EXOC4: variants seen among roughly 807,000 people sequenced by gnomAD.
EXOC4 encodes the protein exocyst complex component 4, also known as SEC8-like 1.
In EXOC4, 71 loss-of-function variants were observed where a neutral mutation model predicts 107.2. The observed-to-expected ratio is 0.66, with a 90% CI of 0.55 to 0.81. The LOEUF (loss-of-function observed/expected upper bound fraction) is 0.81. Ranked by LOEUF, EXOC4 falls within the 30% of genes least tolerant of loss-of-function variation. The probability of loss-of-function intolerance (pLI) is 0.00; values close to 1 mark genes in which losing one functional copy is unlikely to be tolerated. For synonymous variants in EXOC4, 456 were observed against 441.2 expected (o/e 1.03, Z -0.42); for missense variants, 1,108 against 1,189.6 (o/e 0.93, Z 1.01).
chr7:133,596,958 C>G (rs979920174), intron 9 of EXOC4, among the ~76,000 whole-genome samples: 16 of 152,128 alleles, frequency 1.1e-4, no homozygotes, highest in Non-Finnish European at 2.2e-4. Context: ...AATCAGGGTT[C>G]TTTTTAGAGG....
At chr7:133,795,285 G>A (rs1362075286) in intron 10 of EXOC4, among the ~76,000 whole-genome samples, 1 of 152,122 alleles carries the variant, frequency 6.6e-6, no homozygotes, top group African/African-American at 2.4e-5. Flanking sequence ...GCACACTAAT[G>A]TCTCCTTGCT....
intron 11 of EXOC4, among the ~76,000 whole-genome samples, chr7:133,822,460 G>T (rs1488140312): frequency 6.6e-6 from 1 of 152,148 alleles, no homozygotes; most frequent in African/African-American, 2.4e-5. Context: ...AACTATCTAT[G>T]TGAACAAATG....
chr7:133,955,709 A>G (rs1259920023), intron 14 of EXOC4, among the ~76,000 whole-genome samples: 1 of 151,920 alleles, frequency 6.6e-6, no homozygotes, highest in Non-Finnish European at 1.5e-5. Flanking sequence ...GCCAAGGGGC[A>G]CCTACAGGCC....
At chr7:133,895,792 A>T (rs2042455) in intron 12 of EXOC4, 57 bp downstream of exon 12, 7 of 1,569,146 alleles carry the variant, frequency 4.5e-6, no homozygotes, top group Non-Finnish European at 6.1e-6. Context: ...GGTGGTTCCA[A>T]TTGGTGAAAT....
chr7:133,707,953 A>G (rs1794804049), intron 10 of EXOC4, among the ~76,000 whole-genome samples: 2 of 152,184 alleles, frequency 1.3e-5, no homozygotes, highest in African/African-American at 4.8e-5. Flanking sequence ...TCTGGTTATC[A>G]TGAGTGACAG....
intron 17 of EXOC4, among the ~76,000 whole-genome samples, chr7:134,056,374 T>TA (rs1392106380): frequency 2.6e-5 from 4 of 152,100 alleles, no homozygotes; most frequent in African/African-American, 4.8e-5. Context: ...AGGCCCTAAA[T>TA]AAAAAAATCA....
Position 133,596,157 on chromosome 7 carries a change from T to C in EXOC4, c.1418-33888T>C, listed in dbSNP as rs187562459. ...ATGGTGCATTTCTTTGGTGTCTCAA[T>C]CCTTGACCTAATCTAGATTTCTTTG... On this transcript the variant is annotated intron_variant, in intron 9 of 17. Coordinates refer to ENST00000253861, the MANE Select transcript of EXOC4 (RefSeq NM_021807.4). Among the ~76,000 whole-genome samples the C allele has an allele frequency of 1.0e-3, 160 of 152,390 alleles. 1 individual carries two copies. The highest frequency in any genetic ancestry group is 3.6e-3 in the African/African-American group (151 of 41,598).
chr7:133,444,683 G>A (rs1490393379), intron 7 of EXOC4, among the ~76,000 whole-genome samples: 1 of 152,208 alleles, frequency 6.6e-6, no homozygotes, highest in Non-Finnish European at 1.5e-5. Context: ...AGTCCTGAGT[G>A]AGGAGAAGAA....
At chr7:133,731,045 C>A (rs1226161598) in intron 10 of EXOC4, among the ~76,000 whole-genome samples, 1 of 152,122 alleles carries the variant, frequency 6.6e-6, no homozygotes, top group African/African-American at 2.4e-5. Context: ...CTATAGATTA[C>A]ATTTAAATAA....
intron 14 of EXOC4, among the ~76,000 whole-genome samples, chr7:133,987,802 A>G (rs751052857): frequency 6.6e-6 from 1 of 152,134 alleles, no homozygotes; most frequent in Non-Finnish European, 1.5e-5. Flanking sequence ...TATTGTAACA[A>G]TTTTAGATAA....
intron 11 of EXOC4, among the ~76,000 whole-genome samples, chr7:133,857,118 A>G (rs1236916698): frequency 7.7e-5 from 7 of 91,134 alleles, no homozygotes; most frequent in Admixed American, 1.4e-4. Flanking sequence ...ATATGTGTAT[A>G]TATATATGTA....
chr7:133,345,570 G>A (rs145390842), intron 5 of EXOC4, among the ~76,000 whole-genome samples: 57 of 151,800 alleles, frequency 3.8e-4, no homozygotes, highest in African/African-American at 1.3e-3. Context: ...TCCTGTAAAC[G>A]AGATCATGTA....
At chr7:133,686,494 G>C (rs544369831) in intron 10 of EXOC4, among the ~76,000 whole-genome samples, 1 of 151,998 alleles carries the variant, frequency 6.6e-6, no homozygotes, top group Non-Finnish European at 1.5e-5. Flanking sequence ...TTTGTCTGAC[G>C]TCCTTCCTCA....
intron 9 of EXOC4, among the ~76,000 whole-genome samples, chr7:133,498,268 A>C (rs1178507166): frequency 6.6e-6 from 1 of 152,102 alleles, no homozygotes; most frequent in Non-Finnish European, 1.5e-5. Context: ...GTGCCTTACA[A>C]ACCCATTTAC....
intron 9 of EXOC4, among the ~76,000 whole-genome samples, chr7:133,604,352 G>A (rs143009180): frequency 5.7e-4 from 87 of 152,278 alleles, no homozygotes; most frequent in African/African-American, 2.0e-3. Context: ...AATGTATAAT[G>A]TTTGTAATTG....
At chr7:133,771,945 G>A (rs1179777858) in intron 10 of EXOC4, among the ~76,000 whole-genome samples, 3 of 151,922 alleles carry the variant, frequency 2.0e-5, no homozygotes, top group African/African-American at 7.3e-5. Context: ...AAAGAAATTA[G>A]ACATCAGATC....
At chr7:133,570,534 G>T (rs1249434750) in intron 9 of EXOC4, among the ~76,000 whole-genome samples, 1 of 152,208 alleles carries the variant, frequency 6.6e-6, no homozygotes, top group Non-Finnish European at 1.5e-5. Context: ...CAACCTCAGA[G>T]ATTTTGATTT....
At chr7:133,527,481 A>G (rs1800102910) in intron 9 of EXOC4, among the ~76,000 whole-genome samples, 1 of 152,158 alleles carries the variant, frequency 6.6e-6, no homozygotes, top group Non-Finnish European at 1.5e-5. Context: ...TTGGTTAACT[A>G]AAGACTAGAG....
chr7:134,094,229 A>C, the EXOC4 span, among the ~76,000 whole-genome samples: 1 of 152,188 alleles, frequency 6.6e-6, no homozygotes, highest in Admixed American at 6.5e-5. Flanking sequence ...GACAAAGATG[A>C]CATTATAACT....
Sources: allele counts gnomAD v4.1 joint callset (sites outside exome capture counted in the v4.1 genomes callset), GRCh38; gene constraint gnomAD v4.1.1; transcripts MANE v1.5; gene names NCBI Gene and HGNC (gene_info 2026-07-23, HGNC 2026-07-21).